Variants in SLC8A1 observed in about 807,000 individuals in gnomAD.
The protein encoded by SLC8A1 is solute carrier family 8 member A1, also known as sodium/calcium exchanger 1.
A neutral mutation model predicts 68.3 loss-of-function variants in SLC8A1; 18 were observed. The ratio of observed to expected loss-of-function variants is 0.26; its 90% CI spans 0.18 to 0.39. The LOEUF (loss-of-function observed/expected upper bound fraction) is 0.39. Ranked by LOEUF, SLC8A1 falls within the 10% of genes least tolerant of loss-of-function variation. The pLI is 1.00. For synonymous variants in SLC8A1, 475 were observed against 415.5 expected (o/e 1.14, Z -1.74); for missense variants, 985 against 1,156.7 (o/e 0.85, Z 2.15).
chr2:40,365,063 C>G (rs1240635166), intron 2 of SLC8A1, among the ~76,000 whole-genome samples: 1 of 152,072 alleles, frequency 6.6e-6, no homozygotes, highest in African/African-American at 2.4e-5. Context: ...TGATGCCTCT[C>G]TGGGACTGGC....
intron 2 of SLC8A1, among the ~76,000 whole-genome samples, chr2:40,291,134 C>T (rs188124745): frequency 2.9e-4 from 44 of 152,298 alleles, no homozygotes; most frequent in African/African-American, 9.6e-4. Context: ...TTCTTTCAGT[C>T]TTCTTATCAC....
chr2:40,482,947 C>G (rs1576646114), intron 1 of SLC8A1, among the ~76,000 whole-genome samples: 2 of 149,548 alleles, frequency 1.3e-5, no homozygotes, highest in East Asian at 2.0e-4. Context: ...CCCGCCACCA[C>G]GCCCGGCTTT....
chr2:40,110,675 G>A (rs923827504), exon 8 of SLC8A1: 3 of 152,080 alleles, frequency 2.0e-5, no homozygotes, highest in Admixed American at 6.6e-5. Flanking sequence ...ATGGCCAAAC[G>A]TTCTTGAGAT....
At chr2:40,335,729 T>C (rs896000996) in intron 2 of SLC8A1, among the ~76,000 whole-genome samples, 2 of 152,194 alleles carry the variant, frequency 1.3e-5, no homozygotes, top group Non-Finnish European at 2.9e-5. Context: ...AACTGACAAG[T>C]GATTGAAATA....
chr2:40,421,173 A>C (rs1695402007), intron 2 of SLC8A1, among the ~76,000 whole-genome samples: 1 of 151,984 alleles, frequency 6.6e-6, no homozygotes, highest in South Asian at 2.1e-4. Flanking sequence ...CACCTCCAAC[A>C]TATCTAGAAC....
intron 2 of SLC8A1, among the ~76,000 whole-genome samples, chr2:40,407,421 A>T (rs894820363): frequency 6.6e-6 from 1 of 152,100 alleles, no homozygotes; most frequent in African/African-American, 2.4e-5. Flanking sequence ...GATTTATTAG[A>T]TGCTATCTAT....
intron 2 of SLC8A1, among the ~76,000 whole-genome samples, chr2:40,326,950 A>G (rs964105647): frequency 6.6e-6 from 1 of 152,226 alleles, no homozygotes; most frequent in African/African-American, 2.4e-5. Context: ...GGTCCAAGTA[A>G]TCTTCCAAGC....
chr2:40,178,730 T>C (rs539039395), intron 2 of SLC8A1, among the ~76,000 whole-genome samples: 4 of 152,180 alleles, frequency 2.6e-5, no homozygotes, highest in African/African-American at 9.6e-5. Context: ...AGGCAAAATA[T>C]AGCATTCAGT....
intron 2 of SLC8A1, among the ~76,000 whole-genome samples, chr2:40,288,963 A>T (rs2068803500): frequency 6.6e-6 from 1 of 151,310 alleles, no homozygotes; most frequent in South Asian, 2.1e-4. Context: ...GCCTCCCAAA[A>T]TGTCAGTATG....
At position 40,311,931 on chromosome 2, in the gene SLC8A1, A is replaced by C. The variant is rs541456007; in HGVS notation, c.1808+116542T>G. On this transcript the variant is annotated intron_variant, in intron 2 of 7. Coordinates refer to ENST00000406785, the Ensembl canonical transcript of SLC8A1. ...CTACATCAAATATAAACCAGTACAA[A>C]GAGGCACTTGTGAAAGGAAACAAAT... is the stretch of plus-strand genomic sequence containing the variant. Among the ~76,000 whole-genome samples, 5 of 152,250 alleles carry C rather than the reference A, an allele frequency of 3.3e-5. No homozygotes were observed. In the South Asian group the frequency reaches 8.3e-4, roughly 25 times the overall value.
rs114420556 is a variant in SLC8A1 at position 40,125,750 on chromosome 2, A to G, written c.2438-10121T>C. ...TACTAGATACGTAACTTATAATGAAAAAAAGAAAAGAAAAGAAAAAAAGGC... is the reference window on the plus strand; with the variant it reads ...TACTAGATACGTAACTTATAATGAAGAAAAGAAAAGAAAAGAAAAAAAGGC... On this transcript the variant is annotated intron_variant, in intron 7 of 7. Transcript: ENST00000406785. 7.9e-3 allele frequency among the ~76,000 whole-genome samples: 1,209 copies of G among 152,248 alleles called. 10 individuals are homozygous for G. Among genetic ancestry groups the G allele is most frequent in the African/African-American group, 0.027 (1,129 of 41,510 alleles).
chr2:40,428,954 C>T (rs773249787), exon 2 of SLC8A1: 3 of 1,613,724 alleles, frequency 1.9e-6, no homozygotes, highest in African/African-American at 1.3e-5. Context: ...GTTCTGAAGT[C>T]AACAAACACA....
intron 2 of SLC8A1, among the ~76,000 whole-genome samples, chr2:40,184,436 T>C (rs958365417): frequency 1.3e-5 from 2 of 152,166 alleles, no homozygotes; most frequent in Non-Finnish European, 2.9e-5. Context: ...TTAAAGTTGT[T>C]TTCCCCTCTC....
At chr2:40,385,978 G>A (rs1257642586) in intron 2 of SLC8A1, among the ~76,000 whole-genome samples, 1 of 66,216 alleles carries the variant, frequency 1.5e-5, no homozygotes, top group African/African-American at 1.8e-4. Context: ...TATAATAGGT[G>A]ATTTTCATTT....
At chr2:40,155,244 C>G (rs1456896157) in intron 6 of SLC8A1, among the ~76,000 whole-genome samples, 1 of 152,074 alleles carries the variant, frequency 6.6e-6, no homozygotes, top group Non-Finnish European at 1.5e-5. Context: ...ATTCTCCTGC[C>G]TCAGCCTTCC....
intron 7 of SLC8A1, among the ~76,000 whole-genome samples, chr2:40,136,431 A>ATTCC (rs1426974718): frequency 6.6e-6 from 1 of 152,188 alleles, no homozygotes. Context: ...ATAGATATTA[A>ATTCC]TTCCTTCCTT....
At chr2:40,409,335 A>T (rs1301878665) in intron 2 of SLC8A1, among the ~76,000 whole-genome samples, 1 of 152,176 alleles carries the variant, frequency 6.6e-6, no homozygotes, top group African/African-American at 2.4e-5. Flanking sequence ...TAGTTGGAGT[A>T]AAGAGAAAAA....
At chr2:40,323,930 T>A (rs75676657) in intron 2 of SLC8A1, among the ~76,000 whole-genome samples, 8,694 of 152,020 alleles carry the variant, frequency 0.057, 326 homozygotes, top group South Asian at 0.1. Flanking sequence ...TTTTTTAAAG[T>A]CTGTACAAAA....
chr2:40,434,487 C>T (rs185219926), intron 1 of SLC8A1, among the ~76,000 whole-genome samples: 11 of 152,134 alleles, frequency 7.2e-5, no homozygotes, highest in Non-Finnish European at 2.9e-5. Flanking sequence ...AGTAGTTCTA[C>T]TAAACTCTCC....
Sources: gnomAD v4.1 joint callset for allele counts (sites outside exome capture counted in the v4.1 genomes callset) on GRCh38, gnomAD v4.1.1 for gene constraint, MANE v1.5 for transcripts, NCBI Gene and HGNC (gene_info 2026-07-23, HGNC 2026-07-21) for gene names.